STK39: variants seen among roughly 807,000 people sequenced by gnomAD.
STK39 encodes STE20/SPS1-related proline-alanine-rich protein kinase.
Under a neutral mutation model 77.8 loss-of-function variants are expected in STK39, and 20 were observed. That is an observed-to-expected ratio of 0.26 (90% CI 0.18 to 0.37). The LOEUF (loss-of-function observed/expected upper bound fraction) is 0.37, where lower values mean the gene tolerates loss of function less well. STK39 is among the 10% of genes least tolerant of loss of function. STK39 has a pLI of 1.00. For synonymous variants in STK39, 246 were observed against 234.1 expected, an observed-to-expected ratio of 1.05 and a Z score of -0.47; for missense variants, 479 against 656.5, an observed-to-expected ratio of 0.73 and a Z score of 2.95.
At chr2:168,169,268 T>G (rs904018430) in intron 2 of STK39, among the ~76,000 whole-genome samples, 1 of 152,180 alleles carries the variant, frequency 6.6e-6, no homozygotes, top group African/African-American at 2.4e-5. Context: ...AACACTGCCC[T>G]GGCCACTCCT....
At chr2:168,098,885 A>C (rs1224373052) in intron 10 of STK39, among the ~76,000 whole-genome samples, 1 of 152,234 alleles carries the variant, frequency 6.6e-6, no homozygotes, top group Non-Finnish European at 1.5e-5. Context: ...GCCTGTAACA[A>C]CACCAGAAGT....
intron 14 of STK39, among the ~76,000 whole-genome samples, chr2:168,051,824 T>C (rs1273202825): frequency 6.6e-6 from 1 of 152,112 alleles, no homozygotes; most frequent in Non-Finnish European, 1.5e-5. Context: ...TCTTGCGACA[T>C]GGCACAATTC....
intron 15 of STK39, among the ~76,000 whole-genome samples, chr2:168,016,666 A>G (rs1030089928): frequency 6.6e-6 from 1 of 152,210 alleles, no homozygotes; most frequent in African/African-American, 2.4e-5. Flanking sequence ...ACAGAAGCAA[A>G]GTATGTTACC....
chr2:168,098,868 T>A (rs985951405), intron 10 of STK39, among the ~76,000 whole-genome samples: 1 of 152,268 alleles, frequency 6.6e-6, no homozygotes, highest in Non-Finnish European at 1.5e-5. Context: ...CCCGCCAATC[T>A]GGCGAAGCCT....
At position 168,010,688 on chromosome 2, in the gene STK39, G is replaced by A. The variant is rs147861823; in HGVS notation, c.1498+1946C>T. Among the ~76,000 whole-genome samples, 496 of 152,234 alleles carry A rather than the reference G, an allele frequency of 3.3e-3. 7 individuals are homozygous for A. The highest frequency in any genetic ancestry group is 0.012 in the African/African-American group (483 of 41,516). On this transcript the variant is annotated intron_variant, in intron 16 of 17. Coordinates refer to ENST00000355999, the MANE Select transcript of STK39 (RefSeq NM_013233.3). The stretch of plus-strand genomic sequence containing the variant: ...TGTGAAATCAATGTGTAGAGTTAAT[G>A]TATAATCAGTAGGAAAAAATCTGTT...
At chr2:168,125,420 T>C (rs961853281) in intron 10 of STK39, among the ~76,000 whole-genome samples, 1 of 152,174 alleles carries the variant, frequency 6.6e-6, no homozygotes, top group Non-Finnish European at 1.5e-5. Flanking sequence ...CAAAGCCTTT[T>C]ATTCTCATGC....
intron 5 of STK39, among the ~76,000 whole-genome samples, chr2:168,147,037 T>C (rs1455385443): frequency 6.6e-6 from 1 of 152,152 alleles, no homozygotes; most frequent in African/African-American, 2.4e-5. Context: ...TTCCGGAAAG[T>C]TCAGTGTATT....
At chr2:168,045,285 A>G (rs1432447967) in intron 14 of STK39, among the ~76,000 whole-genome samples, 1 of 152,122 alleles carries the variant, frequency 6.6e-6, no homozygotes, top group African/African-American at 2.4e-5. Flanking sequence ...TGCAGAGCAC[A>G]GCTAGAAGCT....
intron 14 of STK39, among the ~76,000 whole-genome samples, chr2:168,018,562 G>GAAAGAA (rs1684486388): frequency 6.9e-6 from 1 of 145,832 alleles, no homozygotes; most frequent in South Asian, 2.2e-4. Flanking sequence ...AAGAAAGAAA[G>GAAAGAA]AAAGAAAGAA....
intron 1 of STK39, among the ~76,000 whole-genome samples, chr2:168,245,361 G>A (rs577101951): frequency 6.6e-6 from 1 of 152,318 alleles, no homozygotes; most frequent in South Asian, 2.1e-4. Flanking sequence ...TTAGGGCAGG[G>A]ATCACTTTTG....
chr2:168,027,721 C>A lies in STK39; in HGVS notation c.1377-10626G>T, dbSNP rs770032347. Among the ~76,000 whole-genome samples, 8 of 152,336 alleles carry A rather than the reference C, an allele frequency of 5.3e-5. No homozygotes were observed. The South Asian group carries it at 6.2e-4, about 12-fold the overall frequency. ...TTTGGCCTCACACACTGGTTAACTG[C>A]AGGTTCTTCTGCAACTGGAACCTCA... On this transcript the variant is annotated intron_variant, in intron 14 of 17. Transcript: ENST00000355999.
At chr2:168,113,348 AGAAG>A (rs1257791962) in intron 10 of STK39, among the ~76,000 whole-genome samples, 1 of 152,242 alleles carries the variant, frequency 6.6e-6, no homozygotes, top group Non-Finnish European at 1.5e-5. Flanking sequence ...CAATACCAAA[AGAAG>A]CCATTGTTTA....
At chr2:168,092,233 T>C (rs1415994769) in intron 10 of STK39, among the ~76,000 whole-genome samples, 1 of 152,178 alleles carries the variant, frequency 6.6e-6, no homozygotes, top group Non-Finnish European at 1.5e-5. Flanking sequence ...ACCTGTTCCT[T>C]ACATCATCAG....
intron 14 of STK39, among the ~76,000 whole-genome samples, chr2:168,041,353 C>A (rs986510671): frequency 6.6e-6 from 1 of 151,602 alleles, no homozygotes; most frequent in Non-Finnish European, 1.5e-5. Context: ...GGAAAGGAAG[C>A]CATTGATCAC....
In STK39 at chr2:168,017,089, G is replaced by A. The variant is rs1418592448; in HGVS notation, c.1383C>T (p.Ser461=). The change falls in exon 15 of 18, where the codon TCC becomes TCT. Residue 461 remains serine (S), a synonymous_variant. Coordinates refer to ENST00000355999, the MANE Select transcript of STK39 (RefSeq NM_013233.3). ...ATCGTATGTCATTAAGTTCCTTTCT[G>A]GAGTTTCTGAAATACATAACATATA... ...AVNLVLRLRN[S]RKELNDIRFE... 1.2e-6 allele frequency: 2 copies of A among 1,604,616 alleles called. No homozygotes were observed. The highest frequency in any genetic ancestry group is 1.7e-6 in the Non-Finnish European group (2 of 1,175,388).
intron 10 of STK39, among the ~76,000 whole-genome samples, chr2:168,083,938 C>T (rs1214043872): frequency 1.3e-5 from 2 of 151,952 alleles, no homozygotes; most frequent in Non-Finnish European, 2.9e-5. Flanking sequence ...GGGAGACAGC[C>T]CCAGCATAGC....
At chr2:168,102,880 A>G (rs1686869451) in intron 10 of STK39, among the ~76,000 whole-genome samples, 1 of 138,964 alleles carries the variant, frequency 7.2e-6, no homozygotes, top group Non-Finnish European at 1.5e-5. Flanking sequence ...TAGTGAGCCG[A>G]GATTGCACCA....
chr2:168,001,269 C>CAAAAAA (rs111793533), intron 16 of STK39, among the ~76,000 whole-genome samples: 2 of 108,536 alleles, frequency 1.8e-5, no homozygotes, highest in African/African-American at 3.3e-5. Flanking sequence ...GGAAACACAT[C>CAAAAAA]AAAAAAAAAA....
At chr2:168,122,841 C>T (rs577125931) in intron 10 of STK39, among the ~76,000 whole-genome samples, 1 of 152,154 alleles carries the variant, frequency 6.6e-6, no homozygotes, top group Non-Finnish European at 1.5e-5. Context: ...ATAAATGTTT[C>T]CTTGAAAAAA....
Sources: gnomAD v4.1 joint callset for allele counts (sites outside exome capture counted in the v4.1 genomes callset) on GRCh38, gnomAD v4.1.1 for gene constraint, MANE v1.5 for transcripts, NCBI Gene and HGNC (gene_info 2026-07-23, HGNC 2026-07-21) for gene names.